Variants in RNF8 observed in about 807,000 individuals in gnomAD.
The protein encoded by RNF8 is E3 ubiquitin-protein ligase RNF8.
RNF8 carries 8 observed loss-of-function variants against 59.3 expected under a neutral mutation model. The ratio of observed to expected loss-of-function variants is 0.13; its 90% confidence interval spans 0.08 to 0.24. The LOEUF (loss-of-function observed/expected upper bound fraction) is 0.24, where lower values mean the gene tolerates loss of function less well. Among genes scored for constraint, RNF8 ranks in the 10% least tolerant of loss-of-function variants. The probability of loss-of-function intolerance (pLI) is 1.00; values close to 1 mark genes in which losing one functional copy is unlikely to be tolerated. For missense variants in RNF8, 406 were observed against 572.6 expected (o/e 0.71, Z 2.97); for synonymous variants, 162 against 200.0 (o/e 0.81, Z 1.60).
At chr6:37,357,418 T>C (rs546825577) in intron 1 of RNF8, among the ~76,000 whole-genome samples, 150 of 152,336 alleles carry the variant, frequency 9.8e-4, no homozygotes, top group African/African-American at 3.5e-3. Context: ...GGCACTCTTC[T>C]ACTGTTTTGG....
In RNF8 at chr6:37,381,290, G is replaced by A. The variant is rs34150698; in HGVS notation, c.1377G>A (p.Lys459=). The change falls in exon 7 of 8, where the codon AAG becomes AAA. Residue 459 remains lysine, a synonymous_variant. Transcript: ENST00000373479. The stretch of plus-strand genomic sequence containing the variant: ...TGGTTCTGGACAATTGCATTAATAA[G>A]ATGGTAAATAATCTGAGCTCAGAAG... ...YSLVLDNCIN[K]MVNNLSSEVK... 106,556 of 1,614,066 alleles carry A rather than the reference G, an allele frequency of 0.066. 4,063 individuals carry two copies. The highest frequency in any genetic ancestry group is 0.072 in the Non-Finnish European group (84,924 of 1,179,930).
intron 6 of RNF8, 45 bp downstream of exon 6, chr6:37,377,078 T>TC: frequency 8.5e-7 from 1 of 1,169,790 alleles, no homozygotes; most frequent in Non-Finnish European, 1.2e-6. Context: ...TTTTTTTTTT[T>TC]TTTTTTTTTT....
At chr6:37,390,281 A>G (rs1214040875) in intron 7 of RNF8, among the ~76,000 whole-genome samples, 1 of 151,838 alleles carries the variant, frequency 6.6e-6, no homozygotes, top group African/African-American at 2.4e-5. Context: ...GAAGGGGAGA[A>G]GGGGTGATGG....
At chr6:37,386,422 C>T (rs195428) in intron 7 of RNF8, among the ~76,000 whole-genome samples, 10,423 of 152,160 alleles carry the variant, frequency 0.069, 1,122 homozygotes, top group African/African-American at 0.23. Flanking sequence ...AAGCTACTAC[C>T]GCCCTGCAGG....
chr6:37,365,994 ATGTGATGGGAGAATTT>A (rs1187338439), intron 2 of RNF8, among the ~76,000 whole-genome samples: 1 of 152,202 alleles, frequency 6.6e-6, no homozygotes, highest in Non-Finnish European at 1.5e-5. Context: ...CAAGGACAAA[ATGTGATGGGAGAATTT>A]TGAGTTTACC....
intron 1 of RNF8, among the ~76,000 whole-genome samples, chr6:37,359,732 G>A (rs1211675292): frequency 6.6e-6 from 1 of 152,206 alleles, no homozygotes; most frequent in Non-Finnish European, 1.5e-5. Flanking sequence ...TGCTATGAAA[G>A]CTAATGCAAT....
chr6:37,381,526 T>C (rs1770262058), intron 7 of RNF8, among the ~76,000 whole-genome samples, 172 bp downstream of exon 7: 1 of 151,002 alleles, frequency 6.6e-6, no homozygotes, highest in Non-Finnish European at 1.5e-5. Context: ...AGAGGAAGAG[T>C]TGAGATAGAA....
rs188658306 is a variant in RNF8, at chr6:37,390,968, C to T, written c.*210C>T. The T allele has an allele frequency of 9.7e-4, 688 of 708,022 alleles. 4 individuals are homozygous for T. Among genetic ancestry groups the T allele is most frequent in the Non-Finnish European group, 1.5e-3 (618 of 400,626 alleles). The allele number at this position is 708,022 out of a possible 1,614,324, so 43.9% of individuals were successfully genotyped here. On this transcript the variant is annotated 3_prime_UTR_variant, in exon 8 of 8. Transcript: ENST00000373479. ...TTGGCTGAAGCACCACCAGGATTCA[C>T]GGCACCCAACTGCTTCAGGGTACTT...
rs996989592 is a variant in RNF8 at position 37,358,203 on chromosome 6, A to C, written c.112-2243A>C. Among the ~76,000 whole-genome samples, 6 of 152,266 alleles carry C rather than the reference A, an allele frequency of 3.9e-5. No homozygotes were observed. The East Asian group carries it at 1.2e-3, about 29-fold the overall frequency. Reference sequence around the variant, plus strand: ...GGCTTAAGGAACAACAACAACAAAAAAGTTTGAGGGGCTGGAGCAGCTAGT... The same window carrying C: ...GGCTTAAGGAACAACAACAACAAAACAGTTTGAGGGGCTGGAGCAGCTAGT... On this transcript the variant is annotated intron_variant, in intron 1 of 7. Transcript: ENST00000373479.
intron 4 of RNF8, among the ~76,000 whole-genome samples, chr6:37,373,215 A>G (rs934711818): frequency 1.3e-5 from 2 of 151,934 alleles, no homozygotes; most frequent in Non-Finnish European, 2.9e-5. Context: ...ATAAGTTCTC[A>G]GGGAATTTGA....
chr6:37,360,587 A>T lies in RNF8; in HGVS notation c.240+13A>T. 1 of 1,608,284 alleles carries T rather than the reference A, an allele frequency of 6.2e-7. No homozygotes were observed. The highest frequency in any genetic ancestry group is 1.1e-5 in the South Asian group (1 of 89,908). On this transcript the variant is annotated intron_variant, in intron 2 of 7. Coordinates refer to ENST00000373479, the MANE Select transcript of RNF8 (RefSeq NM_003958.4). The surrounding 1 kb of genome is among the most constrained non-coding windows in gnomAD (Gnocchi z 4.2). ...TATGGACAACAAGGTACAGGAATTC[A>T]CAGAAGCCTAATGACTTTTATTTGT...
Position 37,392,574 on chromosome 6 carries a change from C to T in RNF8, c.*1816C>T, listed in dbSNP as rs1008677826. On this transcript the variant is annotated 3_prime_UTR_variant, in exon 8 of 8. Coordinates refer to ENST00000373479, the MANE Select transcript of RNF8 (RefSeq NM_003958.4). ...TGCTTTGCACAAATGGTAAACTGTA[C>T]GCTATTCTGAACCTTGCTTTTTTCA... 8 of 398,438 alleles carry T rather than the reference C, an allele frequency of 2.0e-5. No homozygotes were observed. The highest frequency in any genetic ancestry group is 1.1e-4 in the East Asian group (3 of 28,082). 24.7% of individuals were successfully genotyped at this position (398,438 alleles called of 1,614,324 possible).
rs762458644 is a variant in RNF8, at chr6:37,368,942, G to A, written c.699G>A (p.Glu233=). The A allele has an allele frequency of 1.4e-5, 23 of 1,614,082 alleles. No individual in the cohort carries two copies. The South Asian group carries it at 2.4e-4, about 17-fold the overall frequency. The change falls in exon 3 of 8, where the codon GAG becomes GAA. Residue 233 remains glutamate (E), a synonymous_variant. Transcript: ENST00000373479. ...CCAAAGTCACAGAGGTTCATCATGAGCAGAAAGCCTCAAACTCTTCAGCAT... is the reference window on the plus strand; with the variant it reads ...CCAAAGTCACAGAGGTTCATCATGAACAGAAAGCCTCAAACTCTTCAGCAT... ...GFPKVTEVHH[E]QKASNSSASQ...
At chr6:37,371,671 C>T (rs765741384) in intron 4 of RNF8, 97 bp downstream of exon 4, 8 of 915,344 alleles carry the variant, frequency 8.7e-6, no homozygotes, top group South Asian at 1.5e-5. Flanking sequence ...TTAGCCCATA[C>T]CTCTGTGGCA....
intron 2 of RNF8, among the ~76,000 whole-genome samples, chr6:37,366,025 A>G (rs1237308317): frequency 6.6e-6 from 1 of 152,178 alleles, no homozygotes; most frequent in Admixed American, 6.5e-5. Context: ...TTTACCTTCC[A>G]GCTTCTAAAA....
chr6:37,364,842 C>T (rs1384219487), intron 2 of RNF8, among the ~76,000 whole-genome samples: 1 of 152,148 alleles, frequency 6.6e-6, no homozygotes, highest in Non-Finnish European at 1.5e-5. Context: ...GTGAACCCGG[C>T]TCCCCAAACC....
At chr6:37,355,779 G>C (rs1245830953) in intron 1 of RNF8, among the ~76,000 whole-genome samples, 3 of 152,156 alleles carry the variant, frequency 2.0e-5, no homozygotes, top group Non-Finnish European at 4.4e-5. Flanking sequence ...CTTTTAGCTT[G>C]AGCACTGATC....
intron 6 of RNF8, 71 bp downstream of exon 6, chr6:37,377,104 C>G: frequency 1.3e-6 from 1 of 775,444 alleles, no homozygotes; most frequent in Non-Finnish European, 2.0e-6. Flanking sequence ...CAGAGTCTCA[C>G]TCTGTCAACC....
chr6:37,383,284 A>G (rs994878414), intron 7 of RNF8, among the ~76,000 whole-genome samples: 2 of 152,256 alleles, frequency 1.3e-5, no homozygotes, highest in African/African-American at 2.4e-5. Context: ...ATTTAGGGAA[A>G]GACATGCCAG....
Sources: gnomAD v4.1 joint callset for allele counts (sites outside exome capture counted in the v4.1 genomes callset) on GRCh38, gnomAD v4.1.1 for gene constraint, Gnocchi (gnomAD v3.1) non-coding constraint, MANE v1.5 for transcripts, NCBI Gene and HGNC (gene_info 2026-07-23, HGNC 2026-07-21) for gene names.